The following SLC71A2 variants were observed in gnomAD, a reference collection of about 807,000 sequenced individuals.
SLC71A2 encodes solute carrier family 71 member 2.
At chr9:94,435,207 G>C in the SLC71A2 span, among the ~76,000 whole-genome samples, 1 of 152,164 alleles carries the variant, frequency 6.6e-6, no homozygotes, top group Non-Finnish European at 1.5e-5. Flanking sequence ...CAGCTACTCT[G>C]TAGGCAATAC....
At chr9:94,459,357 G>A in the SLC71A2 span, 1 of 1,614,094 alleles carries the variant, frequency 6.2e-7, no homozygotes. Context: ...CAAGACAGCA[G>A]CATCTGGGAG....
the SLC71A2 span, among the ~76,000 whole-genome samples, chr9:94,434,761 G>A: frequency 6.6e-6 from 1 of 151,922 alleles, no homozygotes; most frequent in Non-Finnish European, 1.5e-5. Context: ...TATTAATAAT[G>A]GCAAACTTTC....
the SLC71A2 span, chr9:94,445,302 T>G: frequency 4.5e-5 from 35 of 777,352 alleles, no homozygotes; most frequent in Non-Finnish European, 5.8e-5. Flanking sequence ...TTAGTAAAAA[T>G]AGAAAAAATT....
At chr9:94,439,021 CG>C in the SLC71A2 span, among the ~76,000 whole-genome samples, 7 of 75,866 alleles carry the variant, frequency 9.2e-5, no homozygotes, top group South Asian at 8.6e-4. Context: ...AATTTGAGTT[CG>C]TTTTTTTTTT....
chr9:94,424,750 T>TA, the SLC71A2 span, among the ~76,000 whole-genome samples: 1 of 98,744 alleles, frequency 1.0e-5, no homozygotes, highest in Non-Finnish European at 2.1e-5. Flanking sequence ...TTTTTTTTTT[T>TA]ATTCTTTGAT....
chr9:94,439,758 T>C, the SLC71A2 span, among the ~76,000 whole-genome samples: 1 of 152,114 alleles, frequency 6.6e-6, no homozygotes, highest in African/African-American at 2.4e-5. Flanking sequence ...TGGCTTAATA[T>C]TTTTTCTTTA....
At chr9:94,449,665 A>C in the SLC71A2 span, among the ~76,000 whole-genome samples, 7 of 152,220 alleles carry the variant, frequency 4.6e-5, no homozygotes. Context: ...ACAGCCTGGC[A>C]GTTCCCCAAA....
chr9:94,382,037 T>TTC, the SLC71A2 span, among the ~76,000 whole-genome samples: 1 of 151,684 alleles, frequency 6.6e-6, no homozygotes, highest in Non-Finnish European at 1.5e-5. Flanking sequence ...TTTTTTTTTT[T>TTC]CCTCCTCCGG....
chr9:94,421,667 C>T, the SLC71A2 span, among the ~76,000 whole-genome samples: 1 of 152,092 alleles, frequency 6.6e-6, no homozygotes, highest in Non-Finnish European at 1.5e-5. Flanking sequence ...CCTTGACAGG[C>T]CAGAATTGAG....
chr9:94,434,611 A>G, the SLC71A2 span, among the ~76,000 whole-genome samples: 4 of 152,138 alleles, frequency 2.6e-5, no homozygotes, highest in Non-Finnish European at 5.9e-5. Context: ...CACTGTGTCC[A>G]GCAAAGACCT....
the SLC71A2 span, chr9:94,459,192 T>C: frequency 1.9e-6 from 3 of 1,614,052 alleles, no homozygotes; most frequent in Non-Finnish European, 2.5e-6. Flanking sequence ...CCGTTTTTAT[T>C]TGGGGCATGT....
At chr9:94,399,762 A>G in the SLC71A2 span, among the ~76,000 whole-genome samples, 1 of 151,950 alleles carries the variant, frequency 6.6e-6, no homozygotes, top group South Asian at 2.1e-4. Flanking sequence ...GTTTCTCGCC[A>G]CACAGAAAGC....
chr9:94,451,652 C>G, the SLC71A2 span: 212 of 492,004 alleles, frequency 4.3e-4, 1 homozygote, highest in Middle Eastern at 4.3e-3. Flanking sequence ...TCCCTCACCC[C>G]CTGCTATGGT....
At chr9:94,429,910 T>TTTA in the SLC71A2 span, among the ~76,000 whole-genome samples, 2 of 84,458 alleles carry the variant, frequency 2.4e-5, no homozygotes, top group African/African-American at 1.1e-4. Context: ...CTTTATTTTA[T>TTTA]TTTTTTTTTT....
the SLC71A2 span, among the ~76,000 whole-genome samples, chr9:94,400,182 C>T: frequency 2.0e-5 from 3 of 151,906 alleles, no homozygotes; most frequent in Non-Finnish European, 2.9e-5. Flanking sequence ...GAATCTGCCT[C>T]CTCGACCAAC....
chr9:94,404,894 C>T, the SLC71A2 span, among the ~76,000 whole-genome samples: 11 of 152,060 alleles, frequency 7.2e-5, no homozygotes. Context: ...CTTTTGGTGC[C>T]ATATCCAAGA....
the SLC71A2 span, chr9:94,454,047 G>C: frequency 1.2e-6 from 2 of 1,613,550 alleles, no homozygotes; most frequent in African/African-American, 1.3e-5. Flanking sequence ...AGTTAGCCTG[G>C]TACGGTTTTG....
At chr9:94,430,191 C>G in the SLC71A2 span, among the ~76,000 whole-genome samples, 1 of 148,548 alleles carries the variant, frequency 6.7e-6, no homozygotes, top group Non-Finnish European at 1.5e-5. Flanking sequence ...GCGTGAACCA[C>G]CGCGCCTGAC....
At chr9:94,418,237 ATTG>A in the SLC71A2 span, among the ~76,000 whole-genome samples, 1 of 151,820 alleles carries the variant, frequency 6.6e-6, no homozygotes, top group Non-Finnish European at 1.5e-5. Context: ...TTTTTTGCCA[ATTG>A]TTTTCTATGC....
Sources: gnomAD v4.1 joint callset for allele counts (sites outside exome capture counted in the v4.1 genomes callset) on GRCh38, gnomAD v4.1.1 for gene constraint, MANE v1.5 for transcripts, NCBI Gene and HGNC (gene_info 2026-07-23, HGNC 2026-07-21) for gene names.